The following CA8 variants were observed in gnomAD, a reference collection of about 807,000 sequenced individuals.
CA8 encodes the protein carbonic anhydrase-related protein.
CA8 carries 22 observed loss-of-function variants against 41.4 expected under a neutral mutation model. The ratio of observed to expected loss-of-function variants is 0.53; its 90% CI spans 0.38 to 0.76. The LOEUF is 0.76. Ranked by LOEUF, CA8 falls within the 30% of genes least tolerant of loss-of-function variation. The pLI is 0.00. For missense variants in CA8, 270 were observed against 352.8 expected (o/e 0.77, Z 1.88); for synonymous variants, 121 against 130.6 (o/e 0.93, Z 0.50).
intron 8 of CA8, among the ~76,000 whole-genome samples, chr8:60,197,895 A>C (rs544438396): frequency 1.3e-5 from 2 of 152,334 alleles, no homozygotes; most frequent in South Asian, 4.1e-4. Context: ...ATTGGTTAAA[A>C]AAATGGCAAA....
chr8:60,212,397 A>G (rs1020340333), intron 7 of CA8, among the ~76,000 whole-genome samples: 1 of 152,246 alleles, frequency 6.6e-6, no homozygotes, highest in Non-Finnish European at 1.5e-5. Context: ...CATAAAAGTC[A>G]GTATGCTCTA....
intron 3 of CA8, chr8:60,265,542 A>T (rs942743471): frequency 6.6e-5 from 14 of 212,470 alleles, no homozygotes; most frequent in African/African-American, 3.1e-4. Flanking sequence ...TAAACTAGCA[A>T]ACCTACACTT....
intron 8 of CA8, among the ~76,000 whole-genome samples, chr8:60,206,193 A>T (rs1048619096): frequency 3.3e-5 from 5 of 152,218 alleles, no homozygotes; most frequent in Admixed American, 6.5e-5. Context: ...TCAGCCACCA[A>T]AGTAAGAACA....
At chr8:60,215,676 A>G (rs758622566) in intron 7 of CA8, among the ~76,000 whole-genome samples, 1 of 152,168 alleles carries the variant, frequency 6.6e-6, no homozygotes, top group Non-Finnish European at 1.5e-5. Context: ...AGGCATGCTA[A>G]CCAGGAATAA....
At chr8:60,275,509 A>G (rs1804204090) in intron 2 of CA8, among the ~76,000 whole-genome samples, 1 of 152,104 alleles carries the variant, frequency 6.6e-6, no homozygotes, top group Admixed American at 6.5e-5. Flanking sequence ...TCAATGTTTT[A>G]GAAATTAAAA....
At chr8:60,257,103 C>T (rs997515933) in intron 3 of CA8, among the ~76,000 whole-genome samples, 1 of 152,060 alleles carries the variant, frequency 6.6e-6, no homozygotes, top group Non-Finnish European at 1.5e-5. Flanking sequence ...CCTTAGTCTC[C>T]GGTAGCTGGG....
intron 5 of CA8, 22 bp downstream of exon 5, chr8:60,226,851 A>T: frequency 6.9e-7 from 1 of 1,444,958 alleles, no homozygotes; most frequent in Non-Finnish European, 9.7e-7. Flanking sequence ...GTATTTCTAT[A>T]TTATTTTAAA....
intron 3 of CA8, among the ~76,000 whole-genome samples, chr8:60,232,870 T>C (rs1452560069): frequency 4.0e-5 from 6 of 151,534 alleles, no homozygotes; most frequent in African/African-American, 1.5e-4. Context: ...GATAGCATCC[T>C]GGAAAAAAAA....
intron 3 of CA8, among the ~76,000 whole-genome samples, chr8:60,243,097 A>G (rs1486569842): frequency 6.6e-6 from 1 of 152,186 alleles, no homozygotes; most frequent in East Asian, 1.9e-4. Context: ...AAACTCTACA[A>G]TTTACGAAAT....
intron 2 of CA8, among the ~76,000 whole-genome samples, chr8:60,267,228 G>A (rs1803930705): frequency 6.6e-6 from 1 of 152,158 alleles, no homozygotes; most frequent in Non-Finnish European, 1.5e-5. Flanking sequence ...CATAAATTAG[G>A]AAGAAGAACA....
intron 8 of CA8, among the ~76,000 whole-genome samples, chr8:60,190,712 T>C (rs566337168): frequency 1.2e-4 from 18 of 150,200 alleles, no homozygotes; most frequent in African/African-American, 3.4e-4. Flanking sequence ...AATAGACATA[T>C]AATTATCCAA....
chr8:60,195,695 G>C (rs1327153497), intron 8 of CA8, among the ~76,000 whole-genome samples: 2 of 152,176 alleles, frequency 1.3e-5, no homozygotes, highest in African/African-American at 4.8e-5. Context: ...TAGGCTGTGA[G>C]CTATGTCAGG....
In CA8 at chr8:60,262,178, C is replaced by T. The variant is rs557753451; in HGVS notation, c.417+3747G>A. Among the ~76,000 whole-genome samples the T allele has an allele frequency of 2.0e-5, 3 of 152,070 alleles. No homozygotes were observed. In the South Asian group the frequency reaches 6.2e-4, roughly 32 times the overall value. On this transcript the variant is annotated intron_variant, in intron 3 of 8. Transcript: ENST00000317995. ...TTGAAGCAGCAAAGATGGCAGTGTCCACAAATGACACACATAGAATATACA... is the reference window on the plus strand; with the variant it reads ...TTGAAGCAGCAAAGATGGCAGTGTCTACAAATGACACACATAGAATATACA...
At chr8:60,227,410 T>C (rs1319693211) in intron 4 of CA8, among the ~76,000 whole-genome samples, 2 of 152,212 alleles carry the variant, frequency 1.3e-5, no homozygotes, top group African/African-American at 4.8e-5. Flanking sequence ...ATTAAAGTTG[T>C]GACAAACCTA....
chr8:60,210,976 TG>T (rs1806815335), intron 7 of CA8, among the ~76,000 whole-genome samples: 1 of 152,308 alleles, frequency 6.6e-6, no homozygotes, highest in African/African-American at 2.4e-5. Context: ...AAAAGGAACC[TG>T]GTCAGTGAGA....
At chr8:60,280,681 G>A (rs1333699365) in intron 1 of CA8, among the ~76,000 whole-genome samples, 1 of 152,242 alleles carries the variant, frequency 6.6e-6, no homozygotes, top group African/African-American at 2.4e-5. Flanking sequence ...CGCTAACACT[G>A]TCTTCCTCAG....
At chr8:60,279,641 C>T (rs763353966) in intron 2 of CA8, 48 bp downstream of exon 2, 67 of 1,495,772 alleles carry the variant, frequency 4.5e-5, no homozygotes, top group Non-Finnish European at 5.5e-5. Context: ...AATAACTCTA[C>T]GCTGACTTCT....
chr8:60,205,084 A>G (rs1806537650), intron 8 of CA8, among the ~76,000 whole-genome samples: 1 of 152,206 alleles, frequency 6.6e-6, no homozygotes, highest in Non-Finnish European at 1.5e-5. Context: ...AGATCCCAAA[A>G]GAAAAATAAG....
At chr8:60,270,166 C>T (rs1804023437) in intron 2 of CA8, among the ~76,000 whole-genome samples, 1 of 152,194 alleles carries the variant, frequency 6.6e-6, no homozygotes, top group African/African-American at 2.4e-5. Context: ...AGGGGACTAA[C>T]ATGATCATAT....
Sources: allele counts gnomAD v4.1 joint callset (sites outside exome capture counted in the v4.1 genomes callset), GRCh38; gene constraint gnomAD v4.1.1; transcripts MANE v1.5; gene names NCBI Gene and HGNC (gene_info 2026-07-23, HGNC 2026-07-21).